The following DNAH5 variants were observed in gnomAD, a reference collection of about 807,000 sequenced individuals.
DNAH5 encodes axonemal beta dynein heavy chain 5.
A neutral mutation model predicts 518.2 loss-of-function variants in DNAH5; 372 were observed. The observed-to-expected ratio is 0.72, with a 90% CI of 0.66 to 0.78. The LOEUF (loss-of-function observed/expected upper bound fraction) is 0.78, where lower values mean the gene tolerates loss of function less well. Ranked by LOEUF, DNAH5 falls within the 30% of genes least tolerant of loss-of-function variation. The pLI is 0.00. For synonymous variants in DNAH5, 2,039 were observed against 2,025.9 expected, an observed-to-expected ratio of 1.01 and a Z score of -0.17; for missense variants, 5,523 against 5,687.0, an observed-to-expected ratio of 0.97 and a Z score of 0.93.
chr5:13,793,313 C>T lies in DNAH5; in HGVS notation c.8224+202G>A, dbSNP rs143805985. Among the ~76,000 whole-genome samples, 374 of 152,210 alleles carry T rather than the reference C, an allele frequency of 2.5e-3. 1 individual carries two copies. The highest frequency in any genetic ancestry group is 8.7e-3 in the African/African-American group (363 of 41,536). ...TTAAAGAAAACCATAAATGGAAAAGCTCTACCAAGTCATCCAAATCAGGAA... is the reference window on the plus strand; with the variant it reads ...TTAAAGAAAACCATAAATGGAAAAGTTCTACCAAGTCATCCAAATCAGGAA... On this transcript the variant is annotated intron_variant, in intron 49 of 78. Transcript: ENST00000265104.
intron 54 of DNAH5, among the ~76,000 whole-genome samples, 200 bp from the exon 55 acceptor site, chr5:13,776,906 G>C (rs1313328334): frequency 6.6e-6 from 1 of 152,074 alleles, no homozygotes; most frequent in African/African-American, 2.4e-5. Flanking sequence ...TTGTAGCCCC[G>C]GAAAGGAGTA....
intron 78 of DNAH5, among the ~76,000 whole-genome samples, chr5:13,697,644 T>C (rs1458375672): frequency 6.6e-6 from 1 of 152,204 alleles, no homozygotes; most frequent in African/African-American, 2.4e-5. Context: ...TTTCCACGTC[T>C]ACCTGAAGAA....
chr5:13,817,810 A>G, intron 41 of DNAH5, 116 bp from the exon 42 acceptor site: 4 of 897,166 alleles, frequency 4.5e-6, no homozygotes, highest in Non-Finnish European at 5.3e-6. Flanking sequence ...TGAAAACTGC[A>G]GAACTACATT....
chr5:13,874,887 C>G (rs1042127676), intron 22 of DNAH5, among the ~76,000 whole-genome samples: 1 of 152,106 alleles, frequency 6.6e-6, no homozygotes, highest in African/African-American at 2.4e-5. Context: ...AAAGGCAGGT[C>G]AGGTTTACAT....
At chr5:13,808,775 T>C (rs113547432) in intron 46 of DNAH5, among the ~76,000 whole-genome samples, 9 of 152,126 alleles carry the variant, frequency 5.9e-5, no homozygotes, top group African/African-American at 2.2e-4. Flanking sequence ...CTGGCTAACA[T>C]GGTGAAACCC....
chr5:13,913,996 A>C, intron 10 of DNAH5, 38 bp from the exon 11 acceptor site: 1 of 1,603,068 alleles, frequency 6.2e-7, no homozygotes. Flanking sequence ...AAAGGGAACA[A>C]GAAAGGTATC....
At chr5:13,813,440 T>A (rs1220067242) in intron 43 of DNAH5, among the ~76,000 whole-genome samples, 2 of 140,760 alleles carry the variant, frequency 1.4e-5, no homozygotes, top group Non-Finnish European at 3.1e-5. Context: ...GAAAAAAAAA[T>A]GTTGTGGCAC....
chr5:13,972,122 C>T (rs1781914067), intron 1 of DNAH5, among the ~76,000 whole-genome samples: 3 of 152,120 alleles, frequency 2.0e-5, no homozygotes, highest in Admixed American at 2.0e-4. Flanking sequence ...CAGTGACAGG[C>T]CTCACCCAGC....
chr5:13,938,963 G>C (rs1779213218), intron 1 of DNAH5, among the ~76,000 whole-genome samples: 1 of 152,166 alleles, frequency 6.6e-6, no homozygotes, highest in Non-Finnish European at 1.5e-5. Flanking sequence ...CTGGTTATTG[G>C]TAAAATATGT....
chr5:13,787,798 G>A (rs563793929), intron 51 of DNAH5, among the ~76,000 whole-genome samples: 1 of 152,218 alleles, frequency 6.6e-6, no homozygotes, highest in African/African-American at 2.4e-5. Flanking sequence ...CATTCCAATT[G>A]CATCTCCAGA....
In DNAH5 at chr5:13,721,039, T is replaced by G; in HGVS notation, c.12240A>C (p.Glu4080Asp). The G allele has an allele frequency of 6.2e-7, 1 of 1,614,134 alleles. No individual in the cohort carries two copies. The highest frequency in any genetic ancestry group is 8.5e-7 in the Non-Finnish European group (1 of 1,179,988). Residue 4080 changes from glutamate (E) to aspartate (D), a missense_variant, in exon 71 of 79, where the codon GAA becomes GAC. By Grantham distance (45) the Glu-to-Asp change is conservative. Transcript: ENST00000265104. ...GCTGCAAGAGCTTCCGAGCATGGAC[T>G]TCCTGGCCCTGGCCCATGGACACAT... Reference protein sequence around the residue: ...TRYVSMGQGQEVHARKLLQQT... With the variant: ...TRYVSMGQGQDVHARKLLQQT...
At chr5:13,776,861 AAAAT>A (rs1326776222) in intron 54 of DNAH5, among the ~76,000 whole-genome samples, 155 bp from the exon 55 acceptor site, 1 of 152,196 alleles carries the variant, frequency 6.6e-6, no homozygotes, top group African/African-American at 2.4e-5. Context: ...ACTACGTTTT[AAAAT>A]AAATAAATGA....
chr5:13,914,059 C>T, intron 10 of DNAH5, 101 bp from the exon 11 acceptor site: 1 of 1,420,534 alleles, frequency 7.0e-7, no homozygotes, highest in South Asian at 1.3e-5. Flanking sequence ...GAATTGTAAG[C>T]CTTTTCATAG....
At chr5:13,869,211 A>T (rs1769722080) in intron 24 of DNAH5, among the ~76,000 whole-genome samples, 1 of 152,184 alleles carries the variant, frequency 6.6e-6, no homozygotes, top group Non-Finnish European at 1.5e-5. Context: ...AATTTTCAAA[A>T]TTCAAACAGG....
At chr5:13,890,240 C>G (rs1160355556) in intron 17 of DNAH5, among the ~76,000 whole-genome samples, 9 of 152,036 alleles carry the variant, frequency 5.9e-5, no homozygotes, top group Admixed American at 1.3e-4. Context: ...AACCCCATCT[C>G]TACTAAAATA....
chr5:13,776,350 C>T, intron 55 of DNAH5, 89 bp downstream of exon 55: 1 of 1,547,908 alleles, frequency 6.5e-7, no homozygotes, highest in Non-Finnish European at 8.9e-7. Flanking sequence ...GCCTGGAGAT[C>T]CAGCTGAGGC....
chr5:13,722,197 G>A (rs556867390), intron 70 of DNAH5, among the ~76,000 whole-genome samples: 1 of 152,280 alleles, frequency 6.6e-6, no homozygotes, highest in South Asian at 2.1e-4. Context: ...AGCTTCAGAT[G>A]GAGCTTCCCT....
intron 50 of DNAH5, among the ~76,000 whole-genome samples, chr5:13,790,482 C>A (rs374328470): frequency 2.1e-4 from 32 of 152,144 alleles, no homozygotes; most frequent in African/African-American, 7.2e-4. Flanking sequence ...TGTCCCCACC[C>A]AAATCTCATC....
chr5:13,954,274 C>A (rs1780619242), intron 1 of DNAH5, among the ~76,000 whole-genome samples: 1 of 151,994 alleles, frequency 6.6e-6, no homozygotes, highest in Non-Finnish European at 1.5e-5. Flanking sequence ...GCTTATAATC[C>A]ATTAAAGGAG....
Sources: allele counts gnomAD v4.1 joint callset (sites outside exome capture counted in the v4.1 genomes callset), GRCh38; gene constraint gnomAD v4.1.1; transcripts MANE v1.5; gene names NCBI Gene and HGNC (gene_info 2026-07-23, HGNC 2026-07-21).